Variants in NDUFAF7 observed in about 807,000 individuals in gnomAD.
NDUFAF7 encodes NADH:ubiquinone oxidoreductase complex assembly factor 7, also known as protein arginine methyltransferase NDUFAF7, mitochondrial.
Under a neutral mutation model 47.2 loss-of-function variants are expected in NDUFAF7, and 48 were observed. That is an observed-to-expected ratio of 1.02 (90% confidence interval 0.81 to 1.29). The LOEUF (loss-of-function observed/expected upper bound fraction) is 1.29. Ranked by LOEUF, NDUFAF7 falls within the 50% of genes most tolerant of loss-of-function variation. The pLI is 0.00. For synonymous variants in NDUFAF7, 217 were observed against 190.0 expected (o/e 1.14, Z -1.17); for missense variants, 635 against 537.6 (o/e 1.18, Z -1.79).
chr2:37,250,118 T>C (rs568567016), downstream of NDUFAF7, among the ~76,000 whole-genome samples: 1 of 152,188 alleles, frequency 6.6e-6, no homozygotes, highest in East Asian at 1.9e-4. Flanking sequence ...CCAATGTGGC[T>C]AGGACCTAAA....
Position 37,242,686 on chromosome 2 carries a change from A to C in NDUFAF7, c.674A>C (p.Lys225Thr). 6.3e-7 allele frequency: 1 copy of C among 1,599,750 alleles called. No individual in the cohort carries two copies. The highest frequency in any genetic ancestry group is 8.6e-7 in the Non-Finnish European group (1 of 1,167,270). ...HEFFDVLPVH[K>T]FQKTPQGWRE... ...TTTTTTGATGTTCTTCCTGTGCATA[A>C]ATTTCAGGTATTGAGGGGGGAAAAA... The change falls in exon 6 of 10, where the codon AAA becomes ACA. Residue 225 changes from lysine (K) to threonine (T), a missense_variant. By Grantham distance (78) the Lys-to-Thr change is moderately conservative (BLOSUM62 -1). Transcript: ENST00000002125.
intron 2 of NDUFAF7, among the ~76,000 whole-genome samples, chr2:37,235,723 C>T (rs770747421): frequency 2.6e-5 from 4 of 151,892 alleles, no homozygotes; most frequent in African/African-American, 9.7e-5. Flanking sequence ...GGCGCGATCT[C>T]GGCTTACTGC....
At chr2:37,258,514 C>T in the NDUFAF7 span, among the ~76,000 whole-genome samples, 5 of 152,174 alleles carry the variant, frequency 3.3e-5, no homozygotes, top group Admixed American at 3.3e-4. Flanking sequence ...CTTTGCTTCT[C>T]ATTGGAACAC....
In NDUFAF7 at chr2:37,241,755, AT is replaced by A. The variant is rs1405997244; in HGVS notation, c.589del (p.Ser197ProfsTer52). The A allele has an allele frequency of 7.3e-7, 1 of 1,378,798 alleles. No homozygotes were observed. Among genetic ancestry groups the A allele is most frequent in the African/African-American group, 2.2e-5 (1 of 46,452 alleles). 85.4% of individuals were successfully genotyped at this position (1,378,798 alleles called of 1,614,324 possible). A position where few individuals can be genotyped will look rare whatever the true frequency, so the allele number is the denominator to read the frequency against. On this transcript the variant is annotated frameshift_variant, in exon 5 of 10. Coordinates refer to ENST00000002125, the MANE Select transcript of NDUFAF7 (RefSeq NM_144736.5). LOFTEE classifies it high-confidence loss of function. ...MKGVTKSGIP[I>X]SWYRDLHDVP... is the part of the protein sequence containing the mutation. ...AGGTGTCACTAAGTCTGGGATTCCA[AT>A]TTCCTGGTACCGAGATCTGCACGAT...
At chr2:37,260,177 A>T in the NDUFAF7 span, 1 of 1,515,000 alleles carries the variant, frequency 6.6e-7, no homozygotes, top group South Asian at 1.2e-5. Flanking sequence ...AAAAAAAAAA[A>T]TTAGTTTTTA....
At chr2:37,254,091 C>A, downstream of NDUFAF7, 1 of 763,706 alleles carries the variant, frequency 1.3e-6, no homozygotes, top group Non-Finnish European at 2.2e-6. Context: ...AAATTAATCA[C>A]TTAAGAGCAC....
the NDUFAF7 span, among the ~76,000 whole-genome samples, chr2:37,258,755 TTTTA>T: frequency 4.6e-5 from 7 of 152,194 alleles, no homozygotes; most frequent in Non-Finnish European, 8.8e-5. Context: ...GCTGAACGAT[TTTTA>T]ATATATCTTT....
chr2:37,245,320 A>C (rs1013606334), intron 7 of NDUFAF7, among the ~76,000 whole-genome samples: 1 of 152,226 alleles, frequency 6.6e-6, no homozygotes, highest in Non-Finnish European at 1.5e-5. Flanking sequence ...ATGTTTTCAT[A>C]ATGAAGGGAA....
chr2:37,249,641 G>GACACACACAC (rs1452256080), downstream of NDUFAF7, among the ~76,000 whole-genome samples: 14 of 59,588 alleles, frequency 2.3e-4, 1 homozygote, highest in African/African-American at 1.4e-3. Flanking sequence ...GCCTGTGATA[G>GACACACACAC]AGACACACAC....
chr2:37,234,430 A>G (rs945138078), intron 2 of NDUFAF7, among the ~76,000 whole-genome samples: 8 of 152,122 alleles, frequency 5.3e-5, no homozygotes, highest in Admixed American at 6.5e-5. Flanking sequence ...AGAAGTGTAT[A>G]TATCACATTT....
chr2:37,242,810 T>C lies in NDUFAF7; in HGVS notation c.681+117T>C, dbSNP rs1666495077. On this transcript the variant is annotated intron_variant, in intron 6 of 9. Coordinates refer to ENST00000002125, the MANE Select transcript of NDUFAF7 (RefSeq NM_144736.5). ...TACTTGTTGAGGTTATTTTTAACTA[T>C]TATTTGGAATTTTGGTACACAAATA... is the stretch of plus-strand genomic sequence containing the variant. The C allele has an allele frequency of 4.0e-6, 3 of 758,270 alleles. No individual in the cohort carries two copies. The South Asian group carries it at 6.0e-5, about 15-fold the overall frequency. The allele number at this position is 758,270 out of a possible 1,614,324, so 47.0% of individuals were successfully genotyped here. A position where few individuals can be genotyped will look rare whatever the true frequency, so the allele number is the denominator to read the frequency against.
rs113204652 is a variant in NDUFAF7 at position 37,235,933 on chromosome 2, C to T, written c.217-163C>T. 4.7e-3 allele frequency among the ~76,000 whole-genome samples: 719 copies of T among 152,228 alleles called. 9 individuals carry two copies. The highest frequency in any genetic ancestry group is 0.016 in the African/African-American group (656 of 41,518). Reference sequence around the variant, plus strand: ...TCGGCCTCCCAAAGTGCTGGGATTACAGGCATGAGCCACCACACCTGGCTC... The same window carrying T: ...TCGGCCTCCCAAAGTGCTGGGATTATAGGCATGAGCCACCACACCTGGCTC... On this transcript the variant is annotated intron_variant, in intron 2 of 9. Transcript: ENST00000002125.
At chr2:37,239,976 C>CATTG (rs1394703221) in intron 4 of NDUFAF7, among the ~76,000 whole-genome samples, 3 of 152,166 alleles carry the variant, frequency 2.0e-5, no homozygotes, top group Admixed American at 2.0e-4. Context: ...ATCATTGTTT[C>CATTG]TATCAGTCTA....
chr2:37,231,936 G>A (rs1665183037), intron 1 of NDUFAF7, 170 bp from the exon 2 acceptor site: 2 of 1,596,044 alleles, frequency 1.3e-6, no homozygotes, highest in Non-Finnish European at 8.5e-7. Flanking sequence ...GTAGTCGTGG[G>A]CAAGTGGGTG....
At chr2:37,259,642 C>CA in the NDUFAF7 span, 1 of 1,613,254 alleles carries the variant, frequency 6.2e-7, no homozygotes, top group Non-Finnish European at 8.5e-7. Flanking sequence ...TCACAGTGCA[C>CA]AATATTCTTA....
the NDUFAF7 span, among the ~76,000 whole-genome samples, chr2:37,260,880 C>T: frequency 8.5e-5 from 13 of 152,146 alleles, no homozygotes; most frequent in Non-Finnish European, 1.8e-4. Flanking sequence ...AACATCTCTA[C>T]CCACATTATC....
At chr2:37,243,147 AATTATAG>A (rs1666526960) in intron 6 of NDUFAF7, among the ~76,000 whole-genome samples, 1 of 152,084 alleles carries the variant, frequency 6.6e-6, no homozygotes, top group African/African-American at 2.4e-5. Flanking sequence ...CATTTTAAAA[AATTATAG>A]ATTAAACTTT....
the NDUFAF7 span, among the ~76,000 whole-genome samples, chr2:37,259,399 A>C: frequency 6.6e-6 from 1 of 152,250 alleles, no homozygotes; most frequent in Admixed American, 6.5e-5. Flanking sequence ...GAATATAAAC[A>C]GTATAACTAA....
At chr2:37,233,492 G>C (rs1216046138) in intron 2 of NDUFAF7, among the ~76,000 whole-genome samples, 1 of 152,126 alleles carries the variant, frequency 6.6e-6, no homozygotes, top group Non-Finnish European at 1.5e-5. Flanking sequence ...GCCGGGCGTG[G>C]TGGCTTGTGC....
Sources: gnomAD v4.1 joint callset for allele counts (sites outside exome capture counted in the v4.1 genomes callset) on GRCh38, gnomAD v4.1.1 for gene constraint, MANE v1.5 for transcripts, NCBI Gene and HGNC (gene_info 2026-07-23, HGNC 2026-07-21) for gene names.